The following ADAM7 variants were observed in gnomAD, a reference collection of about 807,000 sequenced individuals.
ADAM7 encodes the protein ADAM metallopeptidase domain 7, also known as disintegrin and metalloproteinase domain-containing protein 7.
A neutral mutation model predicts 102.9 loss-of-function variants in ADAM7; 97 were observed. The observed-to-expected ratio is 0.94, with a 90% CI of 0.80 to 1.12. ADAM7 has a LOEUF of 1.12. Among genes scored for constraint, ADAM7 ranks in the 50% most tolerant of loss-of-function variants. The pLI, the probability that ADAM7 is intolerant of heterozygous loss-of-function variation, is 0.00. For synonymous variants in ADAM7, 334 were observed against 304.4 expected, an observed-to-expected ratio of 1.10 and a Z score of -1.01; for missense variants, 991 against 908.7, an observed-to-expected ratio of 1.09 and a Z score of -1.16.
intron 8 of ADAM7, among the ~76,000 whole-genome samples, chr8:24,481,549 C>A (rs1352387932): frequency 6.6e-6 from 1 of 152,146 alleles, no homozygotes; most frequent in East Asian, 1.9e-4. Context: ...ATAAAAGTAC[C>A]TATCACCCAG....
intron 14 of ADAM7, 196 bp from the exon 15 acceptor site, chr8:24,492,299 G>T: frequency 1.5e-6 from 1 of 681,432 alleles, no homozygotes; most frequent in East Asian, 2.8e-5. Flanking sequence ...TATGAGCTAT[G>T]TATATTTGTT....
At chr8:24,456,996 A>G (rs972087751) in intron 3 of ADAM7, among the ~76,000 whole-genome samples, 1 of 152,116 alleles carries the variant, frequency 6.6e-6, no homozygotes, top group Admixed American at 6.5e-5. Flanking sequence ...GTCACAGGAT[A>G]TGTATATGTT....
Position 24,493,095 on chromosome 8 carries a change from C to T in ADAM7, c.1708C>T (p.Leu570Phe). 1 of 1,612,048 alleles carries T rather than the reference C, an allele frequency of 6.2e-7. No individual in the cohort carries two copies. Among genetic ancestry groups the T allele is most frequent in the African/African-American group, 1.3e-5 (1 of 74,870 alleles). Reference sequence around the variant, plus strand: ...CACTGGAGGGGAGCTTTCCTCTCTCCTTGGAGAAGACAAGACTTATCACCT... The same window carrying T: ...CACTGGAGGGGAGCTTTCCTCTCTCTTTGGAGAAGACAAGACTTATCACCT... ...YCTGGELSSL[L>F]GEDKTYHLKD... Residue 570 changes from leucine (L) to phenylalanine (F), a missense_variant, in exon 16 of 22, where the codon CTT becomes TTT. Leu to Phe is a conservative substitution (Grantham distance 22). Coordinates refer to ENST00000175238, the MANE Select transcript of ADAM7 (RefSeq NM_003817.4).
intron 16 of ADAM7, 67 bp from the exon 17 acceptor site, chr8:24,499,169 A>G: frequency 1.6e-6 from 2 of 1,265,930 alleles, no homozygotes; most frequent in Non-Finnish European, 2.2e-6. Flanking sequence ...CACATGCATT[A>G]CATGAAATTA....
chr8:24,444,660 TCC>T (rs550433429), intron 2 of ADAM7, among the ~76,000 whole-genome samples: 125 of 150,316 alleles, frequency 8.3e-4, no homozygotes, highest in African/African-American at 2.9e-3. Context: ...TGACAGATAC[TCC>T]CCATAAAGGT....
intron 8 of ADAM7, among the ~76,000 whole-genome samples, 161 bp downstream of exon 8, chr8:24,476,665 C>T (rs1819778418): frequency 6.6e-6 from 1 of 152,092 alleles, no homozygotes; most frequent in South Asian, 2.1e-4. Flanking sequence ...TAACAACAAA[C>T]CACAGCTCTG....
At chr8:24,492,195 A>T (rs1820383218) in intron 14 of ADAM7, 97 bp downstream of exon 14, 1 of 1,192,548 alleles carries the variant, frequency 8.4e-7, no homozygotes, top group Admixed American at 2.4e-5. Context: ...ATATAATGTC[A>T]TTTGTGGCAT....
At chr8:24,451,803 C>G (rs1345046349) in intron 3 of ADAM7, among the ~76,000 whole-genome samples, 1 of 150,030 alleles carries the variant, frequency 6.7e-6, no homozygotes, top group East Asian at 1.9e-4. Flanking sequence ...ATAAATTTCC[C>G]TCTACACACT....
In ADAM7 at chr8:24,493,027, T is replaced by C. The variant is rs565828357; in HGVS notation, c.1656-16T>C. On this transcript the variant is annotated splice_polypyrimidine_tract_variant and intron_variant, in intron 15 of 21. Transcript: ENST00000175238. ...TATTTCTAGTTCCAAGTTTGAATATTCTGCCTTTCCTTCAGAGATGTCAGA... is the reference window on the plus strand; with the variant it reads ...TATTTCTAGTTCCAAGTTTGAATATCCTGCCTTTCCTTCAGAGATGTCAGA... 1.5e-4 allele frequency: 227 copies of C among 1,553,158 alleles called. No individual in the cohort carries two copies. The South Asian group carries it at 2.6e-3, about 18-fold the overall frequency.
chr8:24,456,087 T>C (rs1448237592), intron 3 of ADAM7, among the ~76,000 whole-genome samples: 1 of 152,186 alleles, frequency 6.6e-6, no homozygotes, highest in East Asian at 1.9e-4. Context: ...ACTCATCCCA[T>C]GTAACTTGGG....
rs750375096 is a variant in ADAM7 at position 24,501,514 on chromosome 8, T to C, written c.2146T>C (p.Tyr716His). Reference protein sequence around the residue: ...TETLGVENKGYFGDEQQIRTE... With the variant: ...TETLGVENKGHFGDEQQIRTE... ...AACCCTGGGAGTGGAGAACAAAGGA[T>C]ACTTTGGTGATGAGCAGCAGATAAG... is the stretch of plus-strand genomic sequence containing the variant. The change falls in exon 20 of 22, where the codon TAC (tyrosine) becomes CAC (histidine). Residue 716 changes from tyrosine (Y) to histidine (H), a missense_variant. Coordinates refer to ENST00000175238, the MANE Select transcript of ADAM7 (RefSeq NM_003817.4). 2 of 1,608,866 alleles carry C rather than the reference T, an allele frequency of 1.2e-6. No individual in the cohort carries two copies. The highest frequency in any genetic ancestry group is 1.7e-6 in the Non-Finnish European group (2 of 1,178,308).
intron 5 of ADAM7, among the ~76,000 whole-genome samples, chr8:24,466,059 A>C (rs1301237812): frequency 6.6e-6 from 1 of 152,216 alleles, no homozygotes. Context: ...CATTTTATAG[A>C]TCAGGATACT....
intron 16 of ADAM7, among the ~76,000 whole-genome samples, 181 bp downstream of exon 16, chr8:24,493,410 T>C (rs1820438542): frequency 6.6e-6 from 1 of 152,162 alleles, no homozygotes; most frequent in Non-Finnish European, 1.5e-5. Flanking sequence ...TTTTGCCTAA[T>C]TTTAGTCATG....
intron 3 of ADAM7, among the ~76,000 whole-genome samples, chr8:24,462,872 A>G (rs1341407419): frequency 6.6e-6 from 1 of 152,210 alleles, no homozygotes; most frequent in Non-Finnish European, 1.5e-5. Context: ...CATGAAATAC[A>G]TCATGGGTGA....
chr8:24,452,296 C>G (rs7014216), intron 3 of ADAM7, among the ~76,000 whole-genome samples: 1 of 147,428 alleles, frequency 6.8e-6, no homozygotes, highest in South Asian at 2.3e-4. Flanking sequence ...AGTCTCTTTG[C>G]AGGTCACTCA....
At chr8:24,501,929 C>T (rs1199948837) in intron 20 of ADAM7, among the ~76,000 whole-genome samples, 1 of 152,058 alleles carries the variant, frequency 6.6e-6, no homozygotes, top group Non-Finnish European at 1.5e-5. Context: ...CAGTGGCTCA[C>T]GTCTGTAATC....
chr8:24,496,174 C>T lies in ADAM7; in HGVS notation c.1842+2945C>T, dbSNP rs555916321. 4.0e-3 allele frequency among the ~76,000 whole-genome samples: 613 copies of T among 152,288 alleles called. 1 individual carries two copies. Among genetic ancestry groups the T allele is most frequent in the Non-Finnish European group, 6.5e-3 (443 of 68,020 alleles). ...GGGCTGTTGCTTCAGAGGGTGGAAG[C>T]CCCAGGCCTTGGCAGCCTTCATGTG... On this transcript the variant is annotated intron_variant, in intron 16 of 21. Coordinates refer to ENST00000175238, the MANE Select transcript of ADAM7 (RefSeq NM_003817.4).
At chr8:24,499,661 T>G (rs1324017890) in intron 17 of ADAM7, among the ~76,000 whole-genome samples, 3 of 152,140 alleles carry the variant, frequency 2.0e-5, no homozygotes, top group Non-Finnish European at 4.4e-5. Context: ...CAATGTCAAG[T>G]TAAGCTTTTG....
chr8:24,502,446 CAG>C (rs940566346), intron 20 of ADAM7, among the ~76,000 whole-genome samples: 4 of 151,558 alleles, frequency 2.6e-5, no homozygotes, highest in Non-Finnish European at 5.9e-5. Flanking sequence ...AAATAGAAAA[CAG>C]AAAAATAACA....
Sources: gnomAD v4.1 joint callset for allele counts (sites outside exome capture counted in the v4.1 genomes callset) on GRCh38, gnomAD v4.1.1 for gene constraint, MANE v1.5 for transcripts, NCBI Gene and HGNC (gene_info 2026-07-23, HGNC 2026-07-21) for gene names.